The following COL25A1 variants were observed in gnomAD, a reference collection of about 807,000 sequenced individuals.
COL25A1 encodes the protein collagen type XXV alpha 1 chain.
In COL25A1, 103 loss-of-function variants were observed where a neutral mutation model predicts 128.4. The ratio of observed to expected loss-of-function variants is 0.80; its 90% CI spans 0.68 to 0.94. COL25A1 has a LOEUF of 0.94. Ranked by LOEUF, COL25A1 falls within the 40% of genes least tolerant of loss-of-function variation. The pLI, the probability that COL25A1 is intolerant of heterozygous loss-of-function variation, is 0.00. For missense variants in COL25A1, 745 were observed against 840.0 expected (o/e 0.89, Z 1.40); for synonymous variants, 279 against 277.2 (o/e 1.01, Z -0.06).
At chr4:109,167,898 A>G (rs534839737) in intron 3 of COL25A1, among the ~76,000 whole-genome samples, 8 of 152,242 alleles carry the variant, frequency 5.3e-5, no homozygotes, top group Non-Finnish European at 1.2e-4. Context: ...TGGGCCAATT[A>G]ATGATTTCAT....
At chr4:108,869,224 A>AT (rs59712822) in intron 19 of COL25A1, 74 bp from the exon 20 acceptor site, 26 of 822,950 alleles carry the variant, frequency 3.2e-5, no homozygotes, top group Non-Finnish European at 4.0e-5. Context: ...AAATAAATAA[A>AT]AACTAAACTC....
intron 3 of COL25A1, among the ~76,000 whole-genome samples, chr4:109,279,042 G>C (rs1199228228): frequency 2.0e-5 from 3 of 148,798 alleles, no homozygotes; most frequent in Non-Finnish European, 4.4e-5. Context: ...TCATGAACTA[G>C]TCACCTCTCA....
intron 3 of COL25A1, among the ~76,000 whole-genome samples, chr4:109,240,976 G>T (rs1213902790): frequency 6.6e-6 from 1 of 151,950 alleles, no homozygotes; most frequent in African/African-American, 2.4e-5. Flanking sequence ...TTTTCCTAAA[G>T]TCAATTTGTT....
intron 3 of COL25A1, among the ~76,000 whole-genome samples, chr4:109,240,103 T>C (rs2126230284): frequency 6.6e-6 from 1 of 152,246 alleles, no homozygotes; most frequent in South Asian, 2.1e-4. Context: ...AAGGCTATTT[T>C]ACAGTTAAAT....
chr4:108,897,801 C>A (rs546529830), intron 15 of COL25A1, among the ~76,000 whole-genome samples: 158 of 152,190 alleles, frequency 1.0e-3, no homozygotes, highest in Non-Finnish European at 1.7e-3. Flanking sequence ...GGAAGGCAGA[C>A]TTTCACTTTT....
intron 3 of COL25A1, among the ~76,000 whole-genome samples, chr4:109,158,938 A>G (rs1772290584): frequency 6.6e-6 from 1 of 152,122 alleles, no homozygotes; most frequent in East Asian, 1.9e-4. Context: ...CCTGATTAAT[A>G]AAGGCTTTGC....
At chr4:109,236,293 A>T (rs1046149232) in intron 3 of COL25A1, among the ~76,000 whole-genome samples, 5 of 152,098 alleles carry the variant, frequency 3.3e-5, no homozygotes, top group Non-Finnish European at 7.4e-5. Flanking sequence ...TTTTTCCAGA[A>T]TATATTTGCC....
chr4:108,940,646 C>T lies in COL25A1; in HGVS notation c.565G>A (p.Gly189Ser). Residue 189 changes from glycine to serine, a missense_variant and splice_region_variant, in exon 10 of 38, where the codon GGT becomes AGT. By Grantham distance (56) the Gly-to-Ser change is moderately conservative. Coordinates refer to ENST00000399132, the MANE Select transcript of COL25A1 (RefSeq NM_198721.4). ...QQLIKRRLIKGDQGQAGPPGP... is the reference protein window; with the variant it reads ...QQLIKRRLIKSDQGQAGPPGP... ...GGAGGCCCTGCCTGTCCTTGGTCAC[C>T]CTGTGATGGAGAAGGGAACAGACCA... 6.3e-7 allele frequency: 1 copy of T among 1,582,642 alleles called. No homozygotes were observed. The highest frequency in any genetic ancestry group is 8.6e-7 in the Non-Finnish European group (1 of 1,165,582).
In COL25A1 at chr4:108,895,938, CTTTTT is replaced by C. The variant is rs35506597; in HGVS notation, c.906+724_906+728del. Among the ~76,000 whole-genome samples the C allele has an allele frequency of 5.6e-5, 4 of 70,824 alleles. No homozygotes were observed. The East Asian group carries it at 1.9e-3, about 33-fold the overall frequency. 46.5% of individuals were successfully genotyped at this position (70,824 alleles called of 152,430 possible). On this transcript the variant is annotated intron_variant, in intron 16 of 37. Coordinates refer to ENST00000399132, the MANE Select transcript of COL25A1 (RefSeq NM_198721.4). ...ATCATTCTTAAGCCTTATAATCAAA[CTTTTT>C]TTTTTTTTTTTTTTTTTTTTGAGAC... is the stretch of plus-strand genomic sequence containing the variant.
intron 6 of COL25A1, among the ~76,000 whole-genome samples, chr4:109,009,409 T>G (rs1579068862): frequency 6.6e-6 from 1 of 152,206 alleles, no homozygotes; most frequent in East Asian, 1.9e-4. Context: ...CTGAAGTATG[T>G]GGAATGTTTT....
intron 31 of COL25A1, among the ~76,000 whole-genome samples, chr4:108,832,891 C>A (rs1367056047): frequency 6.6e-6 from 1 of 151,784 alleles, no homozygotes; most frequent in East Asian, 1.9e-4. Context: ...TTCCCCTACT[C>A]GGGAGGCTGA....
chr4:109,085,579 A>G (rs556273003), intron 3 of COL25A1, among the ~76,000 whole-genome samples: 1 of 152,322 alleles, frequency 6.6e-6, no homozygotes, highest in Non-Finnish European at 1.5e-5. Context: ...CCTTAAGGAC[A>G]TATCTGGTTA....
At chr4:109,236,058 T>A (rs1779458675) in intron 3 of COL25A1, among the ~76,000 whole-genome samples, 1 of 152,078 alleles carries the variant, frequency 6.6e-6, no homozygotes, top group Admixed American at 6.6e-5. Flanking sequence ...TTGTTGTTAT[T>A]TCATTCATAT....
intron 3 of COL25A1, among the ~76,000 whole-genome samples, chr4:109,263,572 T>C (rs1338260139): frequency 6.6e-6 from 1 of 152,144 alleles, no homozygotes; most frequent in East Asian, 1.9e-4. Flanking sequence ...AGTTTATTGG[T>C]TTCTACAATC....
Position 108,810,816 on chromosome 4 carries a change from T to C in COL25A1, c.*3111A>G, listed in dbSNP as rs1730736110. ...ATAATTATAGCAAATTCATGAACTT[T>C]AAAAATAAAATAACACACTAATGAT... On this transcript the variant is annotated 3_prime_UTR_variant, in exon 38 of 38. Transcript: ENST00000399132. 4 of 151,968 alleles carry C rather than the reference T, an allele frequency of 2.6e-5. No homozygotes were observed. The highest frequency in any genetic ancestry group is 9.7e-5 in the African/African-American group (4 of 41,416). The allele number at this position is 151,968 out of a possible 1,614,324, so 9.4% of individuals were successfully genotyped here.
At chr4:109,254,088 A>G (rs1266905487) in intron 3 of COL25A1, among the ~76,000 whole-genome samples, 1 of 150,250 alleles carries the variant, frequency 6.7e-6, no homozygotes, top group Admixed American at 6.6e-5. Flanking sequence ...CTCCGTCTCA[A>G]GAAAAAAAAA....
intron 32 of COL25A1, among the ~76,000 whole-genome samples, chr4:108,828,920 TTTTC>T (rs1161670961): frequency 6.6e-6 from 1 of 152,158 alleles, no homozygotes; most frequent in East Asian, 1.9e-4. Flanking sequence ...CCTGATAGCA[TTTTC>T]TTTATCTAAA....
Position 109,199,101 on chromosome 4 carries a change from A to AT in COL25A1, c.367+101481dup, listed in dbSNP as rs564601857. The stretch of plus-strand genomic sequence containing the variant: ...CTATTTCCTCCTTAAAGCACTTGAC[A>AT]TTTTTTTTATAAGAATTACCTAGTA... On this transcript the variant is annotated intron_variant, in intron 3 of 37. Coordinates refer to ENST00000399132, the MANE Select transcript of COL25A1 (RefSeq NM_198721.4). Among the ~76,000 whole-genome samples the AT allele has an allele frequency of 2.7e-3, 412 of 152,118 alleles. 2 individuals are homozygous for AT. The highest frequency in any genetic ancestry group is 9.4e-3 in the African/African-American group (392 of 41,504).
chr4:108,822,501 C>T (rs1731901837), intron 35 of COL25A1, among the ~76,000 whole-genome samples: 1 of 152,120 alleles, frequency 6.6e-6, no homozygotes. Flanking sequence ...ACTGCAGCCT[C>T]AAACTCTTGA....
Sources: gnomAD v4.1 joint callset for allele counts (sites outside exome capture counted in the v4.1 genomes callset) on GRCh38, gnomAD v4.1.1 for gene constraint, MANE v1.5 for transcripts, NCBI Gene and HGNC (gene_info 2026-07-23, HGNC 2026-07-21) for gene names.